Variants in GHR observed in about 807,000 individuals in gnomAD.
GHR encodes the protein growth hormone receptor.
In GHR, 35 loss-of-function variants were observed where a neutral mutation model predicts 67.1. The observed-to-expected ratio is 0.52, with a 90% CI of 0.40 to 0.69. The LOEUF (loss-of-function observed/expected upper bound fraction) is 0.69. Ranked by LOEUF, GHR falls within the 30% of genes least tolerant of loss-of-function variation. The pLI is 0.00. For missense variants in GHR, 792 were observed against 764.6 expected (o/e 1.04, Z -0.42); for synonymous variants, 272 against 269.1 (o/e 1.01, Z -0.10).
At chr5:42,596,116 G>A (rs564603228) in intron 2 of GHR, among the ~76,000 whole-genome samples, 65 of 152,284 alleles carry the variant, frequency 4.3e-4, no homozygotes, top group South Asian at 3.1e-3. Context: ...AAGAATCTGT[G>A]AATGGCAGTC....
intron 1 of GHR, among the ~76,000 whole-genome samples, chr5:42,474,257 CAGAA>C (rs202146050): frequency 6.8e-4 from 60 of 88,028 alleles, no homozygotes; most frequent in Middle Eastern, 5.3e-3. Flanking sequence ...GAAAGACAGA[CAGAA>C]AGAAAGAAAG....
chr5:42,640,862 C>T (rs7714754), intron 3 of GHR, among the ~76,000 whole-genome samples: 1,765 of 151,744 alleles, frequency 0.012, 39 homozygotes, highest in African/African-American at 0.041. Context: ...TTTGAGAATC[C>T]CTGCTTTTAT....
At chr5:42,681,435 G>T (rs1419615189) in intron 3 of GHR, among the ~76,000 whole-genome samples, 2 of 152,030 alleles carry the variant, frequency 1.3e-5, no homozygotes, top group Admixed American at 6.6e-5. Context: ...TTAGAATGGC[G>T]ATCGTTAAAA....
Position 42,569,664 on chromosome 5 carries a change from TATA to T in GHR, c.70+3724_70+3726del, listed in dbSNP as rs573257830. ...ATAGTATCTACATGTAATATTGATATATAATATTTACATACAACATATTTATAT... is the reference window on the plus strand; with the variant it reads ...ATAGTATCTACATGTAATATTGATATATATTTACATACAACATATTTATAT... On this transcript the variant is annotated intron_variant, in intron 2 of 9. Transcript: ENST00000230882. Among the ~76,000 whole-genome samples the T allele has an allele frequency of 2.4e-3, 361 of 152,274 alleles. 1 individual carries two copies. Among genetic ancestry groups the T allele is most frequent in the African/African-American group, 8.4e-3 (351 of 41,554 alleles).
At chr5:42,448,209 C>G (rs1743896436) in intron 1 of GHR, among the ~76,000 whole-genome samples, 1 of 152,166 alleles carries the variant, frequency 6.6e-6, no homozygotes, top group African/African-American at 2.4e-5. Context: ...ACATTCCCAC[C>G]AGTAGCGTAA....
intron 1 of GHR, among the ~76,000 whole-genome samples, chr5:42,434,469 GA>G (rs1561301191): frequency 9.5e-4 from 145 of 152,250 alleles, no homozygotes; most frequent in African/African-American, 3.4e-3. Context: ...TGAAATACTT[GA>G]GTCTCATATC....
intron 3 of GHR, among the ~76,000 whole-genome samples, chr5:42,652,686 T>C (rs1755068150): frequency 6.6e-6 from 1 of 152,188 alleles, no homozygotes; most frequent in African/African-American, 2.4e-5. Context: ...ACTTTAGTTC[T>C]GAGCACTTTA....
At chr5:42,685,858 C>T (rs1757112736) in intron 3 of GHR, among the ~76,000 whole-genome samples, 2 of 151,958 alleles carry the variant, frequency 1.3e-5, no homozygotes, top group Admixed American at 1.3e-4. Context: ...GTCAGATGGG[C>T]AGATTGCAAA....
chr5:42,530,349 C>G (rs920570468), intron 1 of GHR, among the ~76,000 whole-genome samples: 14 of 152,164 alleles, frequency 9.2e-5, no homozygotes, highest in African/African-American at 3.1e-4. Flanking sequence ...GATGAATACT[C>G]AGTCAAATTT....
chr5:42,464,806 T>C (rs914206733), intron 1 of GHR, among the ~76,000 whole-genome samples: 1 of 152,174 alleles, frequency 6.6e-6, no homozygotes, highest in Non-Finnish European at 1.5e-5. Flanking sequence ...ATGTCTATCA[T>C]TATGAGTATC....
chr5:42,458,102 C>T (rs923097464), intron 1 of GHR, among the ~76,000 whole-genome samples: 1 of 152,170 alleles, frequency 6.6e-6, no homozygotes, highest in African/African-American at 2.4e-5. Context: ...CAACAACTAT[C>T]CATAGAGATT....
intron 3 of GHR, among the ~76,000 whole-genome samples, chr5:42,639,842 C>T (rs76438465): frequency 0.021 from 3,144 of 152,264 alleles, 37 homozygotes; most frequent in Middle Eastern, 0.044. Context: ...CTCTGCTCCT[C>T]CACCCTTGGT....
At chr5:42,479,527 G>A (rs887663846) in intron 1 of GHR, among the ~76,000 whole-genome samples, 10 of 152,010 alleles carry the variant, frequency 6.6e-5, no homozygotes, top group African/African-American at 2.4e-4. Flanking sequence ...GACTTTTTTT[G>A]GTTCGTAAGC....
intron 2 of GHR, among the ~76,000 whole-genome samples, chr5:42,594,161 G>T (rs767100494): frequency 5.3e-5 from 8 of 152,062 alleles, no homozygotes; most frequent in Non-Finnish European, 1.2e-4. Flanking sequence ...TATCACTTTA[G>T]CCTCCTTGAC....
intron 1 of GHR, among the ~76,000 whole-genome samples, chr5:42,475,195 T>C (rs538499357): frequency 6.6e-6 from 1 of 152,282 alleles, no homozygotes; most frequent in South Asian, 2.1e-4. Context: ...GATTTTTAAC[T>C]ATCCCTCCTG....
intron 3 of GHR, among the ~76,000 whole-genome samples, chr5:42,687,526 G>A (rs905596117): frequency 6.6e-6 from 1 of 152,092 alleles, no homozygotes; most frequent in Non-Finnish European, 1.5e-5. Context: ...ACACAGCCTG[G>A]TACAAAATTT....
At chr5:42,488,850 TTTTA>T in intron 1 of GHR, among the ~76,000 whole-genome samples, 1 of 152,314 alleles carries the variant, frequency 6.6e-6, no homozygotes, top group South Asian at 2.1e-4. Context: ...GCATGGATTA[TTTTA>T]TTTACTCTTC....
chr5:42,548,082 C>T, intron 1 of GHR: 1 of 985,354 alleles, frequency 1.0e-6, no homozygotes, highest in Non-Finnish European at 1.2e-6. Context: ...TTGTAATAGG[C>T]CTCATGAGAC....
At chr5:42,583,578 T>TG (rs1310937097) in intron 2 of GHR, among the ~76,000 whole-genome samples, 1 of 152,190 alleles carries the variant, frequency 6.6e-6, no homozygotes, top group African/African-American at 2.4e-5. Context: ...AGACTACAGC[T>TG]ATGCCAGAAA....
Sources: allele counts gnomAD v4.1 joint callset (sites outside exome capture counted in the v4.1 genomes callset), GRCh38; gene constraint gnomAD v4.1.1; transcripts MANE v1.5; gene names NCBI Gene and HGNC (gene_info 2026-07-23, HGNC 2026-07-21).